ADM5: variants seen among roughly 807,000 people sequenced by gnomAD.
The protein encoded by ADM5 is putative adrenomedullin-5-like protein.
Under a neutral mutation model 2.9 loss-of-function variants are expected in ADM5, and 1 was observed. The observed-to-expected ratio is 0.35, with a 90% CI of 0.12 to 1.65. The LOEUF (loss-of-function observed/expected upper bound fraction) is 1.65. Ranked by LOEUF, ADM5 falls within the 40% of genes most tolerant of loss-of-function variation. The pLI is 0.36. For synonymous variants in ADM5, 90 were observed against 91.1 expected, an observed-to-expected ratio of 0.99 and a Z score of 0.07; for missense variants, 192 against 205.2, an observed-to-expected ratio of 0.94 and a Z score of 0.39.
In ADM5 at chr19:49,690,330, G is replaced by T. The variant is rs1462225643; in HGVS notation, c.299G>T (p.Gly100Val). 1.3e-6 allele frequency: 2 copies of T among 1,551,542 alleles called. No homozygotes were observed. Among genetic ancestry groups the T allele is most frequent in the East Asian group, 4.9e-5 (2 of 40,918 alleles). Residue 100 changes from glycine to valine, a missense_variant, in exon 2 of 2, where the codon GGG (glycine) becomes GTG (valine). Transcript: ENST00000420022. The surrounding 1 kb of genome is among the most constrained non-coding windows in gnomAD (Gnocchi z 4.4). ...RFPGFRPAAR[G>V]LAQCPARWVT... ...CCAGGATTCCGGCCTGCAGCGAGGG[G>T]GCTAGCGCAGTGCCCAGCTCGCTGG...
At position 49,690,282 on chromosome 19, in the gene ADM5, G is replaced by A; in HGVS notation, c.251G>A (p.Arg84Gln). 1.9e-6 allele frequency: 3 copies of A among 1,551,516 alleles called. No homozygotes were observed. The highest frequency in any genetic ancestry group is 2.6e-6 in the Non-Finnish European group (3 of 1,146,882). The stretch of plus-strand genomic sequence containing the variant: ...CAGCTATGGGCGCCGCCGGTGGCGC[G>A]AGGCGGAAGCCCGGCTCGGTTCCCA... ...PLQLWAPPVA[R>Q]GGSPARFPGF... The change falls in exon 2 of 2, where the codon CGA (arginine) becomes CAA (glutamine). Residue 84 changes from arginine (R) to glutamine (Q), a missense_variant. Physicochemically the swap from Arg to Gln is conservative, Grantham distance 43. Transcript: ENST00000420022. This position sits in a 1 kb window ranked among gnomAD's most constrained non-coding sequence, Gnocchi z 4.4.
chr19:49,689,799 G>T lies in ADM5; in HGVS notation c.-39G>T, dbSNP rs770730925. 10 of 1,611,722 alleles carry T rather than the reference G, an allele frequency of 6.2e-6. No individual in the cohort carries two copies. Among genetic ancestry groups the T allele is most frequent in the Admixed American group, 5.0e-5 (3 of 59,990 alleles). ...GGTGCGGGAACGGGGCGGGGTGGCC[G>T]CAACTACGGGCCACGGATCCTGACC... On this transcript the variant is annotated 5_prime_UTR_variant, in exon 1 of 2. Transcript: ENST00000420022.
At position 49,690,053 on chromosome 19, in the gene ADM5, C is replaced by T. The variant is rs1454387955; in HGVS notation, c.75-53C>T. The T allele has an allele frequency of 2.6e-6, 4 of 1,560,006 alleles. No individual in the cohort carries two copies. In the East Asian group the frequency reaches 7.1e-5, roughly 28 times the overall value. On this transcript the variant is annotated intron_variant, in intron 1 of 1. Transcript: ENST00000420022. This position sits in a 1 kb window ranked among gnomAD's most constrained non-coding sequence, Gnocchi z 4.4. ...TGCTTGGGTGCCCACCTCCATCACG[C>T]TCCATCTCTCAATTCGGTTTGAACC...
In ADM5 at chr19:49,690,497, G is replaced by A; in HGVS notation, c.*4G>A. On this transcript the variant is annotated 3_prime_UTR_variant, in exon 2 of 2. Coordinates refer to ENST00000420022, the MANE Select transcript of ADM5 (RefSeq NM_001101340.2). The surrounding 1 kb of genome is among the most constrained non-coding windows in gnomAD (Gnocchi z 4.4). ...TCCCTCCCCGGGCTGCGACTAGGTT[G>A]GACCTAGAAGCACACGGGACCAGGC... The A allele has an allele frequency of 6.7e-7, 1 of 1,495,398 alleles. No individual in the cohort carries two copies. Among genetic ancestry groups the A allele is most frequent in the Non-Finnish European group, 9.0e-7 (1 of 1,114,094 alleles). 92.6% of individuals were successfully genotyped at this position (1,495,398 alleles called of 1,614,324 possible). A position where few individuals can be genotyped will look rare whatever the true frequency, so the allele number is the denominator to read the frequency against.
In ADM5 at chr19:49,689,808, G is replaced by C. The variant is rs539264345; in HGVS notation, c.-30G>C. 9.3e-6 allele frequency: 15 copies of C among 1,613,574 alleles called. No homozygotes were observed. In the African/African-American group the frequency reaches 2.0e-4, roughly 21 times the overall value. On this transcript the variant is annotated 5_prime_UTR_variant, in exon 1 of 2. Coordinates refer to ENST00000420022, the MANE Select transcript of ADM5 (RefSeq NM_001101340.2). ...ACGGGGCGGGGTGGCCGCAACTACG[G>C]GCCACGGATCCTGACCCGCCCTGCC...
rs372067417 is a variant in ADM5 at position 49,689,814 on chromosome 19, G to A, written c.-24G>A. The A allele has an allele frequency of 1.8e-4, 286 of 1,613,702 alleles. No homozygotes were observed. Among genetic ancestry groups the A allele is most frequent in the African/African-American group, 5.3e-4 (40 of 75,056 alleles). ...CGGGGTGGCCGCAACTACGGGCCAC[G>A]GATCCTGACCCGCCCTGCCCACGAT... On this transcript the variant is annotated 5_prime_UTR_variant, in exon 1 of 2. Transcript: ENST00000420022.
Position 49,690,014 on chromosome 19 carries a change from C to T in ADM5, c.75-92C>T. 6.2e-7 allele frequency: 1 copy of T among 1,601,020 alleles called. No homozygotes were observed. Among genetic ancestry groups the T allele is most frequent in the Non-Finnish European group, 8.5e-7 (1 of 1,172,832 alleles). On this transcript the variant is annotated intron_variant, in intron 1 of 1. Transcript: ENST00000420022. The surrounding 1 kb of genome is among the most constrained non-coding windows in gnomAD (Gnocchi z 4.4). The stretch of plus-strand genomic sequence containing the variant: ...CGGGCAGGTGATCTGTAAGCCTCCC[C>T]GCTGGTCTTGGAGTGCTTGGGTGCC...
chr19:49,689,706 C>A lies in ADM5; in HGVS notation c.-132C>A. 1 of 1,174,350 alleles carries A rather than the reference C, an allele frequency of 8.5e-7. No individual in the cohort carries two copies. The highest frequency in any genetic ancestry group is 1.2e-6 in the Non-Finnish European group (1 of 806,876). 72.7% of individuals were successfully genotyped at this position (1,174,350 alleles called of 1,614,324 possible). A position where few individuals can be genotyped will look rare whatever the true frequency, so the allele number is the denominator to read the frequency against. ...CCCACAGACTTTTGGCCTCAGTGTT[C>A]CCCGCCTGGGAAGTGGGGACTGGCC... On this transcript the variant is annotated 5_prime_UTR_variant, in exon 1 of 2. Coordinates refer to ENST00000420022, the MANE Select transcript of ADM5 (RefSeq NM_001101340.2).
rs1355380854 is a variant in ADM5 at position 49,690,274 on chromosome 19, G to A, written c.243G>A (p.Pro81=). The A allele has an allele frequency of 3.2e-6, 5 of 1,551,556 alleles. No individual in the cohort carries two copies. Among genetic ancestry groups the A allele is most frequent in the Non-Finnish European group, 3.5e-6 (4 of 1,146,898 alleles). Residue 81 remains proline (P), a synonymous_variant, in exon 2 of 2, where the codon CCG becomes CCA. Coordinates refer to ENST00000420022, the MANE Select transcript of ADM5 (RefSeq NM_001101340.2). The surrounding 1 kb of genome is among the most constrained non-coding windows in gnomAD (Gnocchi z 4.4). ...APGPLQLWAP[P]VARGGSPARF... ...GACCCCTACAGCTATGGGCGCCGCC[G>A]GTGGCGCGAGGCGGAAGCCCGGCTC...
Position 49,690,115 on chromosome 19 carries a change from G to A in ADM5, c.84G>A (p.Gln28=). ...CACGCTCCCTCTCCAGGCGAGGCCAGCACCAGGTCCCCCAGCACCGCGGGC... is the reference window on the plus strand; with the variant it reads ...CACGCTCCCTCTCCAGGCGAGGCCAACACCAGGTCCCCCAGCACCGCGGGC... The part of the protein sequence containing the change: ...GDLDTAARRG[Q]HQVPQHRGHV... The change falls in exon 2 of 2, where the codon CAG becomes CAA. Residue 28 remains glutamine, a synonymous_variant. Transcript: ENST00000420022. This position sits in a 1 kb window ranked among gnomAD's most constrained non-coding sequence, Gnocchi z 4.4. The A allele has an allele frequency of 3.2e-6, 5 of 1,558,716 alleles. No individual in the cohort carries two copies. Among genetic ancestry groups the A allele is most frequent in the Non-Finnish European group, 3.5e-6 (4 of 1,151,144 alleles).
chr19:49,689,910 A>C lies in ADM5; in HGVS notation c.73A>C (p.Arg25=), dbSNP rs2082290873. The part of the protein sequence containing the change: ...SAQGDLDTAA[R]RGQHQVPQHR... Reference sequence around the variant, plus strand: ...CCAAGGGGACCTGGACACTGCAGCCAGGTGAGAAACCCGGGTGGCAGCAGG... The same window carrying C: ...CCAAGGGGACCTGGACACTGCAGCCCGGTGAGAAACCCGGGTGGCAGCAGG... Residue 25 remains arginine (R), a splice_region_variant and synonymous_variant, in exon 1 of 2, where the codon AGG becomes CGG. Coordinates refer to ENST00000420022, the MANE Select transcript of ADM5 (RefSeq NM_001101340.2). The C allele has an allele frequency of 6.2e-7, 1 of 1,613,840 alleles. No homozygotes were observed. Among genetic ancestry groups the C allele is most frequent in the Non-Finnish European group, 8.5e-7 (1 of 1,179,878 alleles).
In ADM5 at chr19:49,689,806, C is replaced by T; in HGVS notation, c.-32C>T. On this transcript the variant is annotated 5_prime_UTR_variant, in exon 1 of 2. In the 5' UTR this introduces an upstream ATG that the reference lacks. Transcript: ENST00000420022. ...GAACGGGGCGGGGTGGCCGCAACTA[C>T]GGGCCACGGATCCTGACCCGCCCTG... The T allele has an allele frequency of 1.2e-6, 2 of 1,613,112 alleles. No individual in the cohort carries two copies. Among genetic ancestry groups the T allele is most frequent in the Non-Finnish European group, 1.7e-6 (2 of 1,179,350 alleles).
Position 49,689,752 on chromosome 19 carries a change from TGCACCCAGAG to T in ADM5, c.-83_-74del. On this transcript the variant is annotated 5_prime_UTR_variant, in exon 1 of 2. Coordinates refer to ENST00000420022, the MANE Select transcript of ADM5 (RefSeq NM_001101340.2). ...TGGCCCTGGTACCTGGCTCCAGAGCTGCACCCAGAGGCGATCAGCCCGGTGCGGGAACGGG... is the reference window on the plus strand; with the variant it reads ...TGGCCCTGGTACCTGGCTCCAGAGCTGCGATCAGCCCGGTGCGGGAACGGG... 1.3e-6 allele frequency: 2 copies of T among 1,538,532 alleles called. No homozygotes were observed. The highest frequency in any genetic ancestry group is 2.2e-5 in the East Asian group (1 of 44,476).
Position 49,690,361 on chromosome 19 carries a change from C to T in ADM5, c.330C>T (p.Thr110=), listed in dbSNP as rs2082305882. 21 of 1,551,608 alleles carry T rather than the reference C, an allele frequency of 1.4e-5. No individual in the cohort carries two copies. The highest frequency in any genetic ancestry group is 1.7e-4 in the Middle Eastern group (1 of 5,992). ...CGCAGTGCCCAGCTCGCTGGGTGAC[C>T]TCGGGCACGGCTCGTCCCCTCCTCG... is the stretch of plus-strand genomic sequence containing the variant. ...GLAQCPARWV[T]SGTARPLLGF... The change falls in exon 2 of 2, where the codon ACC becomes ACT. Residue 110 remains threonine (T), a synonymous_variant. Coordinates refer to ENST00000420022, the MANE Select transcript of ADM5 (RefSeq NM_001101340.2). This position sits in a 1 kb window ranked among gnomAD's most constrained non-coding sequence, Gnocchi z 4.4.
At chr19:49,689,982 C>T in intron 1 of ADM5, 71 bp downstream of exon 1, 1 of 1,610,768 alleles carries the variant, frequency 6.2e-7, no homozygotes, top group Non-Finnish European at 8.5e-7. Context: ...CTCTCCCGGC[C>T]GCGGAACGGG....
In ADM5 at chr19:49,690,242, G is replaced by C; in HGVS notation, c.211G>C (p.Ala71Pro). 1 of 1,552,508 alleles carries C rather than the reference G, an allele frequency of 6.4e-7. No homozygotes were observed. The highest frequency in any genetic ancestry group is 1.7e-4 in the Middle Eastern group (1 of 5,992). Residue 71 changes from alanine (A) to proline (P), a missense_variant, in exon 2 of 2, where the codon GCC (alanine) becomes CCC (proline). Coordinates refer to ENST00000420022, the MANE Select transcript of ADM5 (RefSeq NM_001101340.2). The surrounding 1 kb of genome is among the most constrained non-coding windows in gnomAD (Gnocchi z 4.4). The stretch of plus-strand genomic sequence containing the variant: ...AGCCCTCGGGGAAGGCCAGCCACGA[G>C]CCCCAGGACCCCTACAGCTATGGGC... ...QGALGEGQPR[A>P]PGPLQLWAPP...
chr19:49,690,441 T>C lies in ADM5; in HGVS notation c.410T>C (p.Leu137Pro), dbSNP rs1187949183. ...CTTCTACTCCACATTTCTTCTCCCC[T>C]AACTCCAGCCCCTGAAACCGTCTTC... ...LELLLHISSP[L>P]TPAPETVFPS... is the part of the protein sequence containing the mutation. The change falls in exon 2 of 2, where the codon CTA becomes CCA. Residue 137 changes from leucine (L) to proline (P), a missense_variant. Coordinates refer to ENST00000420022, the MANE Select transcript of ADM5 (RefSeq NM_001101340.2). This position sits in a 1 kb window ranked among gnomAD's most constrained non-coding sequence, Gnocchi z 4.4. 15 of 1,544,758 alleles carry C rather than the reference T, an allele frequency of 9.7e-6. No individual in the cohort carries two copies. Among genetic ancestry groups the C allele is most frequent in the African/African-American group, 2.7e-5 (2 of 72,900 alleles).
rs2082302866 is a variant in ADM5 at position 49,690,291 on chromosome 19, G to T, written c.260G>T (p.Ser87Ile). The T allele has an allele frequency of 6.4e-7, 1 of 1,551,412 alleles. No homozygotes were observed. Among genetic ancestry groups the T allele is most frequent in the Non-Finnish European group, 8.7e-7 (1 of 1,146,822 alleles). ...LWAPPVARGG[S>I]PARFPGFRPA... ...GCGCCGCCGGTGGCGCGAGGCGGAA[G>T]CCCGGCTCGGTTCCCAGGATTCCGG... The change falls in exon 2 of 2, where the codon AGC becomes ATC. Residue 87 changes from serine to isoleucine, a missense_variant. Ser to Ile is a moderately radical substitution (Grantham distance 142). Coordinates refer to ENST00000420022, the MANE Select transcript of ADM5 (RefSeq NM_001101340.2). This position sits in a 1 kb window ranked among gnomAD's most constrained non-coding sequence, Gnocchi z 4.4.
rs545215438 is a variant in ADM5 at position 49,690,051 on chromosome 19, C to T, written c.75-55C>T. The T allele has an allele frequency of 6.3e-5, 99 of 1,561,454 alleles. 1 individual carries two copies. In the East Asian group the frequency reaches 2.3e-3, roughly 36 times the overall value. On this transcript the variant is annotated intron_variant, in intron 1 of 1. Transcript: ENST00000420022. The surrounding 1 kb of genome is among the most constrained non-coding windows in gnomAD (Gnocchi z 4.4). ...AGTGCTTGGGTGCCCACCTCCATCA[C>T]GCTCCATCTCTCAATTCGGTTTGAA...
Sources: gnomAD v4.1 joint callset for allele counts on GRCh38, gnomAD v4.1.1 for gene constraint, Gnocchi (gnomAD v3.1) non-coding constraint, MANE v1.5 for transcripts, NCBI Gene and HGNC (gene_info 2026-07-23, HGNC 2026-07-21) for gene names.